Variants in LHFPL1 observed in about 807,000 individuals in gnomAD.
The protein encoded by LHFPL1 is LHFPL tetraspan subfamily member 1, also known as LHFPL tetraspan subfamily member 1 protein.
Under a neutral mutation model 12.1 loss-of-function variants are expected in LHFPL1, and 4 were observed. The observed-to-expected ratio is 0.33, with a 90% CI of 0.16 to 0.76. LHFPL1 has a LOEUF of 0.76. Among genes scored for constraint, LHFPL1 ranks in the 30% least tolerant of loss-of-function variants. The probability of loss-of-function intolerance (pLI) is 0.61; values close to 1 mark genes in which losing one functional copy is unlikely to be tolerated. For synonymous variants in LHFPL1, 52 were observed against 61.9 expected (o/e 0.84, Z 0.75); for missense variants, 141 against 174.1 (o/e 0.81, Z 1.07).
chrX:112,677,388 C>T (rs1301181643), intron 1 of LHFPL1, among the ~76,000 whole-genome samples: 1 of 111,422 alleles, frequency 9.0e-6, no homozygotes, highest in African/African-American at 3.3e-5. Flanking sequence ...GAGCAGCTTT[C>T]TTGGCACTGG....
At chrX:112,644,974 G>A in intron 3 of LHFPL1, among the ~76,000 whole-genome samples, 1 of 112,096 alleles carries the variant, frequency 8.9e-6, no homozygotes, top group African/African-American at 3.2e-5. Flanking sequence ...GAGAGCAAAG[G>A]AAATGAACCT....
chrX:112,662,945 A>C (rs1931231211), intron 2 of LHFPL1, among the ~76,000 whole-genome samples: 2 of 112,194 alleles, frequency 1.8e-5, no homozygotes, highest in South Asian at 7.5e-4. Context: ...AAAGAACACA[A>C]GTTTATAAAA....
intron 2 of LHFPL1, among the ~76,000 whole-genome samples, chrX:112,665,888 G>A (rs749981700): frequency 3.6e-5 from 4 of 111,641 alleles, no homozygotes; most frequent in Non-Finnish European, 7.5e-5. Flanking sequence ...ACTTTCCCCT[G>A]TTCCCAGCAT....
intron 3 of LHFPL1, among the ~76,000 whole-genome samples, chrX:112,650,028 G>A (rs1170652540): frequency 9.1e-6 from 1 of 109,753 alleles, no homozygotes; most frequent in African/African-American, 3.3e-5. Flanking sequence ...GGACCTATTT[G>A]GGTGTCCCCT....
At position 112,661,851 on chromosome X, in the gene LHFPL1, G is replaced by C. The variant is rs1931197859; in HGVS notation, c.383-1126C>G. ...AGTTGAAAACAACCCCACAACACCA[G>C]AAGGTAGAATCAAGTCTGTGTCAAG... On this transcript the variant is annotated intron_variant, in intron 2 of 3. Transcript: ENST00000371968. 2.7e-5 allele frequency: 3 copies of C among 112,426 alleles called. No individual in the cohort carries two copies. The South Asian group carries it at 1.1e-3, about 41-fold the overall frequency. 9.3% of individuals were successfully genotyped at this position (112,426 alleles called of 1,213,427 possible).
chrX:112,636,980 T>C (rs1299300614), intron 3 of LHFPL1, among the ~76,000 whole-genome samples: 2 of 111,423 alleles, frequency 1.8e-5, no homozygotes, highest in Non-Finnish European at 3.8e-5. Flanking sequence ...AAGAGAAGGA[T>C]CGGTGGCAGG....
intron 1 of LHFPL1, among the ~76,000 whole-genome samples, chrX:112,673,391 AG>A (rs1221381296): frequency 1.8e-5 from 2 of 111,394 alleles, no homozygotes; most frequent in Non-Finnish European, 3.8e-5. Flanking sequence ...AAGTGGAACT[AG>A]TTTTGAGTAA....
Position 112,660,692 on chromosome X carries a change from G to T in LHFPL1, c.416C>A (p.Pro139His), listed in dbSNP as rs1179807908. 1 of 1,208,477 alleles carries T rather than the reference G, an allele frequency of 8.3e-7. No homozygotes were observed. The highest frequency in any genetic ancestry group is 1.1e-6 in the Non-Finnish European group (1 of 892,669). The change falls in exon 3 of 4, where the codon CCT (proline) becomes CAT (histidine). Residue 139 changes from proline to histidine, a missense_variant. Coordinates refer to ENST00000371968, the MANE Select transcript of LHFPL1 (RefSeq NM_178175.4). ...LLISSGCALY[P>H]LGWNSPEIMQ... is the part of the protein sequence containing the mutation. ...TATCTCCGGGCTATTCCATCCTAAA[G>T]GGTATAAGGCACAGCCTGAGCTTAT...
intron 3 of LHFPL1, among the ~76,000 whole-genome samples, chrX:112,645,235 T>C (rs112124831): frequency 0.059 from 6,565 of 112,133 alleles, 186 homozygotes; most frequent in Middle Eastern, 0.14. Flanking sequence ...GAAATACTAT[T>C]ACCAATCCTC....
intron 3 of LHFPL1, among the ~76,000 whole-genome samples, chrX:112,656,296 C>T (rs761754973): frequency 8.1e-5 from 9 of 111,202 alleles, no homozygotes; most frequent in Non-Finnish European, 1.7e-4. Flanking sequence ...GAAAAGGCAT[C>T]TGATTAACTC....
chrX:112,644,886 G>A (rs1010552492), intron 3 of LHFPL1, among the ~76,000 whole-genome samples: 2 of 112,363 alleles, frequency 1.8e-5, no homozygotes, highest in African/African-American at 3.2e-5. Flanking sequence ...GGAAATGCCT[G>A]GAAACTGAAC....
At chrX:112,658,056 T>C (rs1434482196) in intron 3 of LHFPL1, among the ~76,000 whole-genome samples, 1 of 111,531 alleles carries the variant, frequency 9.0e-6, no homozygotes, top group Non-Finnish European at 1.9e-5. Context: ...AAAAGGGTCT[T>C]GTATCCAGAA....
intron 3 of LHFPL1, among the ~76,000 whole-genome samples, chrX:112,650,274 T>G (rs769787878): frequency 9.0e-6 from 1 of 111,498 alleles, no homozygotes; most frequent in African/African-American, 3.3e-5. Context: ...ACAGGATCAT[T>G]CCCATCAGCA....
At chrX:112,659,253 G>A (rs1931104294) in intron 3 of LHFPL1, among the ~76,000 whole-genome samples, 1 of 111,282 alleles carries the variant, frequency 9.0e-6, no homozygotes, top group Non-Finnish European at 1.9e-5. Flanking sequence ...GAGGTCAGCA[G>A]TTTGAACCAT....
intron 3 of LHFPL1, among the ~76,000 whole-genome samples, chrX:112,643,399 A>G (rs1393467969): frequency 1.8e-5 from 2 of 108,584 alleles, no homozygotes; most frequent in Non-Finnish European, 3.8e-5. Flanking sequence ...AAAAAAAAAA[A>G]GAAAAAGAGG....
At chrX:112,677,661 C>CAAA in intron 1 of LHFPL1, among the ~76,000 whole-genome samples, 1 of 96,143 alleles carries the variant, frequency 1.0e-5, no homozygotes, top group South Asian at 5.3e-4. Flanking sequence ...GACAAAGCTT[C>CAAA]AAAAAAAAAA....
Position 112,631,269 on chromosome X carries a change from G to C in LHFPL1, c.*151C>G. On this transcript the variant is annotated 3_prime_UTR_variant, in exon 4 of 4. Transcript: ENST00000371968. ...ACAGCCAGTGACCTACTGGCTTAAA[G>C]ATAAGTGAAAATGAACGACAATTAG... 2.3e-6 allele frequency: 1 copy of C among 443,422 alleles called. No individual in the cohort carries two copies. The highest frequency in any genetic ancestry group is 3.7e-6 in the Non-Finnish European group (1 of 267,550). 36.5% of individuals were successfully genotyped at this position (443,422 alleles called of 1,213,427 possible).
intron 1 of LHFPL1, among the ~76,000 whole-genome samples, chrX:112,675,217 G>T (rs761133689): frequency 5.1e-4 from 57 of 111,033 alleles, no homozygotes; most frequent in Non-Finnish European, 1.0e-3. Flanking sequence ...CACCACTAAA[G>T]AACTTACTCA....
chrX:112,671,561 C>T, intron 1 of LHFPL1, 157 bp from the exon 2 acceptor site: 1 of 1,103,111 alleles, frequency 9.1e-7, no homozygotes, highest in Non-Finnish European at 1.2e-6. Context: ...TCTCGAGGAC[C>T]ATTTGGATCC....
Sources: gnomAD v4.1 joint callset for allele counts (sites outside exome capture counted in the v4.1 genomes callset) on GRCh38, gnomAD v4.1.1 for gene constraint, MANE v1.5 for transcripts, NCBI Gene and HGNC (gene_info 2026-07-23, HGNC 2026-07-21) for gene names.